Variants in PCDH9 observed in about 807,000 individuals in gnomAD.
The protein encoded by PCDH9 is protocadherin-9.
PCDH9 carries 24 observed loss-of-function variants against 70.6 expected under a neutral mutation model. The ratio of observed to expected loss-of-function variants is 0.34; its 90% CI spans 0.25 to 0.48. The LOEUF is 0.48. PCDH9 is among the 20% of genes least tolerant of loss of function. The pLI, the probability that PCDH9 is intolerant of heterozygous loss-of-function variation, is 0.99. For missense variants in PCDH9, 1,281 were observed against 1,503.6 expected (o/e 0.85, Z 2.45); for synonymous variants, 562 against 558.5 (o/e 1.01, Z -0.09).
chr13:67,003,394 TTCCTC>T (rs2084284285), intron 2 of PCDH9, among the ~76,000 whole-genome samples: 1 of 151,852 alleles, frequency 6.6e-6, no homozygotes, highest in Non-Finnish European at 1.5e-5. Context: ...AAAAAAAAGA[TTCCTC>T]TCCTTATTCC....
At chr13:66,553,204 T>C (rs550634923) in intron 4 of PCDH9, among the ~76,000 whole-genome samples, 1 of 152,290 alleles carries the variant, frequency 6.6e-6, no homozygotes, top group South Asian at 2.1e-4. Flanking sequence ...TCACTAACTA[T>C]TTTGATGCAG....
At chr13:67,076,815 C>T (rs561291630) in intron 2 of PCDH9, among the ~76,000 whole-genome samples, 9 of 152,204 alleles carry the variant, frequency 5.9e-5, no homozygotes, top group Admixed American at 2.0e-4. Flanking sequence ...CAATGGAATG[C>T]ACAATATAGT....
chr13:66,343,629 A>G (rs1262389268), intron 4 of PCDH9, among the ~76,000 whole-genome samples: 1 of 152,200 alleles, frequency 6.6e-6, no homozygotes, highest in Non-Finnish European at 1.5e-5. Flanking sequence ...CTGGAGAAAT[A>G]TATCTGCGTG....
chr13:66,366,658 T>G (rs1242834161), intron 4 of PCDH9, among the ~76,000 whole-genome samples: 1 of 152,072 alleles, frequency 6.6e-6, no homozygotes, highest in Non-Finnish European at 1.5e-5. Flanking sequence ...AGTGAAGGTG[T>G]TAAACTTCTA....
intron 3 of PCDH9, among the ~76,000 whole-genome samples, chr13:66,665,580 T>G (rs1288524648): frequency 6.6e-6 from 1 of 152,162 alleles, no homozygotes; most frequent in Non-Finnish European, 1.5e-5. Context: ...GCATCCAATA[T>G]ACATTGTTTC....
At chr13:66,395,898 C>A (rs184535669) in intron 4 of PCDH9, among the ~76,000 whole-genome samples, 4 of 152,188 alleles carry the variant, frequency 2.6e-5, no homozygotes, top group Admixed American at 1.3e-4. Context: ...TTTGTGATTT[C>A]TAAAGTTCCT....
intron 3 of PCDH9, among the ~76,000 whole-genome samples, chr13:66,761,451 C>T (rs1393055620): frequency 6.6e-6 from 1 of 152,106 alleles, no homozygotes; most frequent in African/African-American, 2.4e-5. Context: ...CCTTTATCTT[C>T]CTCCGCCCAC....
At chr13:66,537,263 G>C (rs1274219638) in intron 4 of PCDH9, among the ~76,000 whole-genome samples, 1 of 152,068 alleles carries the variant, frequency 6.6e-6, no homozygotes, top group Non-Finnish European at 1.5e-5. Flanking sequence ...TGCTCAGTGA[G>C]TGCTGAACAT....
At chr13:66,495,886 G>T (rs1348324594) in intron 4 of PCDH9, among the ~76,000 whole-genome samples, 1 of 152,160 alleles carries the variant, frequency 6.6e-6, no homozygotes, top group Non-Finnish European at 1.5e-5. Flanking sequence ...GTGTTCCTGA[G>T]CAAATGACTC....
intron 4 of PCDH9, among the ~76,000 whole-genome samples, chr13:66,449,222 G>A (rs1202456053): frequency 1.3e-5 from 2 of 152,124 alleles, no homozygotes; most frequent in Non-Finnish European, 2.9e-5. Flanking sequence ...GTAGCCAGGA[G>A]AAGGCCTTCA....
chr13:66,681,551 C>T lies in PCDH9; in HGVS notation c.3139-50140G>A, dbSNP rs193234933. Among the ~76,000 whole-genome samples the T allele has an allele frequency of 3.9e-5, 6 of 152,072 alleles. No homozygotes were observed. The East Asian group carries it at 1.2e-3, about 29-fold the overall frequency. On this transcript the variant is annotated intron_variant, in intron 3 of 4. Transcript: ENST00000377865. ...TAATCTCCACAGTCTCCCCACATTC[C>T]CCTGGCCTCTTCTTTTTCTCTAGGC...
chr13:67,225,097 T>A (rs193249104), intron 2 of PCDH9: 11 of 1,239,590 alleles, frequency 8.9e-6, no homozygotes, highest in Non-Finnish European at 1.1e-5. Flanking sequence ...GAATTTGGCA[T>A]ATCAGGACAG....
chr13:66,968,912 CT>C lies in PCDH9; in HGVS notation c.3037-65308del, dbSNP rs540628933. On this transcript the variant is annotated intron_variant, in intron 2 of 4. Coordinates refer to ENST00000377865, the MANE Select transcript of PCDH9 (RefSeq NM_203487.3). ...ATGACTGAATATCAGTTAAGGAGAG[CT>C]AGAATTCCAGTGGGGACCTTCTCAA... Among the ~76,000 whole-genome samples the C allele has an allele frequency of 5.3e-5, 8 of 152,066 alleles. No individual in the cohort carries two copies. In the East Asian group the frequency reaches 1.5e-3, roughly 29 times the overall value.
intron 2 of PCDH9, among the ~76,000 whole-genome samples, chr13:67,140,028 C>G (rs1256503757): frequency 1.2e-4 from 7 of 57,192 alleles, no homozygotes; most frequent in African/African-American, 3.1e-4. Context: ...TTTGATCACC[C>G]CCCCCCCCCC....
intron 2 of PCDH9, among the ~76,000 whole-genome samples, chr13:67,118,508 C>CA (rs1332313226): frequency 2.6e-5 from 4 of 152,066 alleles, no homozygotes; most frequent in African/African-American, 9.7e-5. Context: ...GCATAATTGC[C>CA]ATATGGCATA....
At chr13:66,911,039 G>C (rs1356696360) in intron 2 of PCDH9, among the ~76,000 whole-genome samples, 1 of 152,182 alleles carries the variant, frequency 6.6e-6, no homozygotes, top group Non-Finnish European at 1.5e-5. Context: ...AGAAAGCTCT[G>C]TTAGGCTGAA....
chr13:67,158,036 A>G (rs1050679572), intron 2 of PCDH9, among the ~76,000 whole-genome samples: 3 of 152,232 alleles, frequency 2.0e-5, no homozygotes, highest in Non-Finnish European at 4.4e-5. Context: ...TTACAAAGGT[A>G]ACTGAATGTC....
chr13:66,980,730 G>GTTTTTTTTTTTTTTTTTTTTTTTTTTTT lies in PCDH9; in HGVS notation c.3037-77126_3037-77125insAAAAAAAAAAAAAAAAAAAAAAAAAAAA. Among the ~76,000 whole-genome samples, 28 of 70,892 alleles carry GTTTTTTTTTTTTTTTTTTTTTTTTTTTT rather than the reference G, an allele frequency of 3.9e-4. 1 individual carries two copies. The highest frequency in any genetic ancestry group is 7.9e-4 in the East Asian group (2 of 2,538). 46.5% of individuals were successfully genotyped at this position (70,892 alleles called of 152,430 possible). On this transcript the variant is annotated intron_variant, in intron 2 of 4. Transcript: ENST00000377865. ...TTTGTTTTTTCCTGTTTTTTTCTTTGTTTTTTTTTTTGTTTTTTTTTTTAC... is the reference window on the plus strand; with the variant it reads ...TTTGTTTTTTCCTGTTTTTTTCTTTGTTTTTTTTTTTTTTTTTTTTTTTTTTTTTTTTTTTTTTTGTTTTTTTTTTTAC...
intron 4 of PCDH9, among the ~76,000 whole-genome samples, chr13:66,329,129 A>T (rs934982939): frequency 2.0e-5 from 3 of 152,208 alleles, no homozygotes; most frequent in Admixed American, 1.3e-4. Context: ...GGAAGACAGA[A>T]AATAGTAAGT....
Sources: allele counts gnomAD v4.1 joint callset (sites outside exome capture counted in the v4.1 genomes callset), GRCh38; gene constraint gnomAD v4.1.1; transcripts MANE v1.5; gene names NCBI Gene and HGNC (gene_info 2026-07-23, HGNC 2026-07-21).